The following UNC79 variants were observed in gnomAD, a reference collection of about 807,000 sequenced individuals.
UNC79 encodes protein unc-79 homolog.
Under a neutral mutation model 283.1 loss-of-function variants are expected in UNC79, and 37 were observed. The observed-to-expected ratio is 0.13, with a 90% CI of 0.10 to 0.17. The LOEUF is 0.17. UNC79 is among the 10% of genes least tolerant of loss of function. The pLI, the probability that UNC79 is intolerant of heterozygous loss-of-function variation, is 1.00. For synonymous variants in UNC79, 1,107 were observed against 1,200.2 expected, an observed-to-expected ratio of 0.92 and a Z score of 1.61; for missense variants, 2,272 against 3,211.1, an observed-to-expected ratio of 0.71 and a Z score of 7.07.
chr14:93,619,772 GAATA>G (rs2066990327), intron 29 of UNC79, among the ~76,000 whole-genome samples: 1 of 152,096 alleles, frequency 6.6e-6, no homozygotes, highest in Non-Finnish European at 1.5e-5. Flanking sequence ...AAAAAACCTT[GAATA>G]ATCATAATCG....
chr14:93,527,889 C>A (rs750037160), intron 8 of UNC79, among the ~76,000 whole-genome samples: 1 of 151,724 alleles, frequency 6.6e-6, no homozygotes, highest in Non-Finnish European at 1.5e-5. Context: ...GTGAAATTAA[C>A]ACTTTGCATC....
intron 1 of UNC79, among the ~76,000 whole-genome samples, chr14:93,362,388 A>G (rs916304408): frequency 6.6e-6 from 1 of 151,924 alleles, no homozygotes; most frequent in African/African-American, 2.4e-5. Flanking sequence ...TCATTCTGTC[A>G]CCCAGGCTGG....
At chr14:93,573,671 A>G (rs2063325415) in intron 16 of UNC79, among the ~76,000 whole-genome samples, 1 of 152,208 alleles carries the variant, frequency 6.6e-6, no homozygotes, top group Non-Finnish European at 1.5e-5. Context: ...AAAGAGCAAT[A>G]TTCTTCGCAT....
At chr14:93,553,141 T>C (rs1466991426) in intron 14 of UNC79, among the ~76,000 whole-genome samples, 1 of 152,236 alleles carries the variant, frequency 6.6e-6, no homozygotes, top group Non-Finnish European at 1.5e-5. Flanking sequence ...TACTCACATA[T>C]AGTTTCCAAA....
rs1483885086 is a variant in UNC79 at position 93,690,283 on chromosome 14, G to A, written c.7252G>A (p.Gly2418Arg). Reference sequence around the variant, plus strand: ...AGACCATCTTATTGTTATCCTGATTGGATTTCCAGAGCAATCAAAGGTAAG... The same window carrying A: ...AGACCATCTTATTGTTATCCTGATTAGATTTCCAGAGCAATCAAAGGTAAG... The change falls in exon 45 of 49, where the codon GGA (glycine) becomes AGA (arginine). Residue 2418 changes from glycine (G) to arginine (R), a missense_variant. Transcript: ENST00000555664. This position sits in a 1 kb window ranked among gnomAD's most constrained non-coding sequence, Gnocchi z 4.3. The A allele has an allele frequency of 5.6e-6, 9 of 1,613,502 alleles. No homozygotes were observed.
intron 2 of UNC79, among the ~76,000 whole-genome samples, chr14:93,471,635 A>G (rs1406687753): frequency 6.6e-6 from 1 of 151,902 alleles, no homozygotes; most frequent in African/African-American, 2.4e-5. Context: ...TGCATTGTAC[A>G]TTTATTCATG....
In UNC79 at chr14:93,655,654, A is replaced by C. The variant is rs74073862; in HGVS notation, c.6456+247A>C. 9.4e-3 allele frequency among the ~76,000 whole-genome samples: 1,404 copies of C among 150,088 alleles called. 23 individuals are homozygous for C. Among genetic ancestry groups the C allele is most frequent in the African/African-American group, 0.032 (1,282 of 39,774 alleles). ...GTTTCCAGTTGATTTGAAAAAAAAAAAAAAAAACAAAAAAACAGCCAGGAA... is the reference window on the plus strand; with the variant it reads ...GTTTCCAGTTGATTTGAAAAAAAAACAAAAAAACAAAAAAACAGCCAGGAA... On this transcript the variant is annotated intron_variant, in intron 38 of 48. Transcript: ENST00000555664.
chr14:93,468,341 A>G (rs1206241880), intron 2 of UNC79, among the ~76,000 whole-genome samples: 4 of 152,214 alleles, frequency 2.6e-5, no homozygotes, highest in Non-Finnish European at 5.9e-5. Context: ...TGTAAGGTAG[A>G]GATAGGAGGG....
chr14:93,488,498 G>GTTTT lies in UNC79; in HGVS notation c.712+743_712+744insTTTT, dbSNP rs144114616. On this transcript the variant is annotated intron_variant, in intron 5 of 48. Transcript: ENST00000555664. ...AAGTAAACAAATCCAGTGACACTGT[G>GTTTT]GTTTTTTTTTGCTATCTACTTAATT... 7.6e-3 allele frequency among the ~76,000 whole-genome samples: 1,137 copies of GTTTT among 150,520 alleles called. 2 individuals are homozygous for GTTTT. The highest frequency in any genetic ancestry group is 0.013 in the Non-Finnish European group (880 of 67,588).
chr14:93,651,306 G>C (rs1336333581), intron 35 of UNC79, among the ~76,000 whole-genome samples: 1 of 152,068 alleles, frequency 6.6e-6, no homozygotes, highest in Admixed American at 6.6e-5. Context: ...GAATAAGCTT[G>C]TCATTCTTAT....
At chr14:93,578,741 T>C (rs1321220155) in intron 18 of UNC79, among the ~76,000 whole-genome samples, 1 of 152,176 alleles carries the variant, frequency 6.6e-6, no homozygotes, top group Non-Finnish European at 1.5e-5. Flanking sequence ...GTTATCAAAA[T>C]CAGGAAATTA....
chr14:93,596,776 G>A (rs1367844081), intron 23 of UNC79, among the ~76,000 whole-genome samples: 1 of 152,226 alleles, frequency 6.6e-6, no homozygotes, highest in Admixed American at 6.5e-5. Context: ...CATGCTTTAA[G>A]TGTGGATGGA....
intron 47 of UNC79, among the ~76,000 whole-genome samples, chr14:93,701,572 C>T (rs2075533606): frequency 6.6e-6 from 1 of 152,178 alleles, no homozygotes; most frequent in Non-Finnish European, 1.5e-5. Context: ...AACTTTACTC[C>T]ATCATAACAT....
chr14:93,399,285 C>A (rs2055059697), intron 1 of UNC79, among the ~76,000 whole-genome samples: 1 of 152,138 alleles, frequency 6.6e-6, no homozygotes, highest in African/African-American at 2.4e-5. Context: ...GGTGGGGACA[C>A]AGCCAAACCA....
At chr14:93,441,568 C>T (rs75714259) in intron 1 of UNC79, among the ~76,000 whole-genome samples, 2,123 of 152,090 alleles carry the variant, frequency 0.014, 23 homozygotes, top group Middle Eastern at 0.034. Context: ...AAGACTTCTA[C>T]ATAATACTGC....
chr14:93,623,528 A>G (rs1435833464), intron 30 of UNC79, among the ~76,000 whole-genome samples: 1 of 152,212 alleles, frequency 6.6e-6, no homozygotes, highest in Admixed American at 6.5e-5. Flanking sequence ...ACCTCATCCT[A>G]TAACAGTCTT....
Position 93,578,140 on chromosome 14 carries a change from G to A in UNC79, c.2433+77G>A, listed in dbSNP as rs2063574808. On this transcript the variant is annotated intron_variant, in intron 18 of 48. Coordinates refer to ENST00000555664, the Ensembl canonical transcript of UNC79. Reference sequence around the variant, plus strand: ...CGTTGTACAGCAATTCTTTCCATGTGTTGGGCATCTCCACACTTATCAAAA... The same window carrying A: ...CGTTGTACAGCAATTCTTTCCATGTATTGGGCATCTCCACACTTATCAAAA... 3.0e-6 allele frequency: 4 copies of A among 1,341,826 alleles called. No homozygotes were observed. In the African/African-American group the frequency reaches 5.8e-5, roughly 19 times the overall value. The allele number at this position is 1,341,826 out of a possible 1,614,324, so 83.1% of individuals were successfully genotyped here. A position where few individuals can be genotyped will look rare whatever the true frequency, so the allele number is the denominator to read the frequency against.
intron 1 of UNC79, among the ~76,000 whole-genome samples, chr14:93,445,307 T>C (rs1451816215): frequency 6.6e-6 from 1 of 152,214 alleles, no homozygotes; most frequent in Non-Finnish European, 1.5e-5. Context: ...TTTCTTTTTA[T>C]TGCCTACTGC....
intron 1 of UNC79, among the ~76,000 whole-genome samples, chr14:93,365,097 GT>G (rs1208579139): frequency 6.6e-6 from 1 of 151,876 alleles, no homozygotes; most frequent in Non-Finnish European, 1.5e-5. Flanking sequence ...TTAAAAAAAT[GT>G]TATCAGGCCA....
Sources: allele counts gnomAD v4.1 joint callset (sites outside exome capture counted in the v4.1 genomes callset), GRCh38; gene constraint gnomAD v4.1.1; non-coding constraint Gnocchi (gnomAD v3.1); transcripts MANE v1.5; gene names NCBI Gene and HGNC (gene_info 2026-07-23, HGNC 2026-07-21).